LGMN: variants seen among roughly 807,000 people sequenced by gnomAD.
LGMN encodes the protein asparaginyl endopeptidase.
LGMN carries 36 observed loss-of-function variants against 56.8 expected under a neutral mutation model. That is an observed-to-expected ratio of 0.63 (90% CI 0.49 to 0.84). The LOEUF is 0.84. Ranked by LOEUF, LGMN falls within the 40% of genes least tolerant of loss-of-function variation. The pLI, the probability that LGMN is intolerant of heterozygous loss-of-function variation, is 0.00. For synonymous variants in LGMN, 199 were observed against 210.1 expected (o/e 0.95, Z 0.46); for missense variants, 446 against 556.1 (o/e 0.80, Z 1.99).
At chr14:92,713,636 T>A (rs1889912723) in intron 7 of LGMN, among the ~76,000 whole-genome samples, 187 bp downstream of exon 7, 1 of 152,002 alleles carries the variant, frequency 6.6e-6, no homozygotes. Context: ...TTTAACAAGC[T>A]CTCCATGATT....
chr14:92,703,848 A>C lies in LGMN; in HGVS notation c.*471T>G, dbSNP rs1889278247. 2 of 351,750 alleles carry C rather than the reference A, an allele frequency of 5.7e-6. No homozygotes were observed. The highest frequency in any genetic ancestry group is 1.1e-5 in the Non-Finnish European group (2 of 189,228). 21.8% of individuals were successfully genotyped at this position (351,750 alleles called of 1,614,324 possible). On this transcript the variant is annotated 3_prime_UTR_variant, in exon 14 of 14. Coordinates refer to ENST00000334869, the MANE Select transcript of LGMN (RefSeq NM_005606.7). ...TAAATCTTTATTTTTTAAGACTTGA[A>C]CACCTGCAGAATTAAATACAAAAGC...
chr14:92,704,958 G>C (rs1889354107), intron 12 of LGMN: 2 of 431,794 alleles, frequency 4.6e-6, no homozygotes, highest in Middle Eastern at 6.8e-4. Context: ...CTGAGGGCAG[G>C]ACTCCTGACA....
In LGMN at chr14:92,718,953, G is replaced by A. The variant is rs111372013; in HGVS notation, c.139-109C>T. 1.0e-3 allele frequency: 604 copies of A among 597,580 alleles called. 5 individuals carry two copies. The African/African-American group carries it at 0.015, about 14-fold the overall frequency. 37.0% of individuals were successfully genotyped at this position (597,580 alleles called of 1,614,324 possible). On this transcript the variant is annotated intron_variant, in intron 2 of 13. Coordinates refer to ENST00000334869, the MANE Select transcript of LGMN (RefSeq NM_005606.7). ...TGGAAGACTTACTGTGAATCATCCC[G>A]TCGGTCAGGCATTTAAATTATTATT...
intron 2 of LGMN, among the ~76,000 whole-genome samples, chr14:92,723,049 A>ATT (rs770613815): frequency 2.1e-5 from 3 of 145,816 alleles, no homozygotes; most frequent in Admixed American, 6.9e-5. Flanking sequence ...ACAAGTCTAA[A>ATT]TTTTTTTTTT....
At chr14:92,719,339 T>TCACCGCCAC in intron 2 of LGMN, among the ~76,000 whole-genome samples, 1 of 66,568 alleles carries the variant, frequency 1.5e-5, no homozygotes, top group Non-Finnish European at 2.9e-5. Flanking sequence ...GCCACCGCCA[T>TCACCGCCAC]CACCGCCACC....
intron 2 of LGMN, among the ~76,000 whole-genome samples, chr14:92,729,455 A>G (rs926218799): frequency 1.5e-5 from 1 of 65,568 alleles, no homozygotes; most frequent in African/African-American, 6.6e-5. Context: ...TGCCCACATC[A>G]CCTCAGATCA....
intron 1 of LGMN, among the ~76,000 whole-genome samples, chr14:92,745,377 G>A (rs184164753): frequency 3.0e-4 from 46 of 152,174 alleles, no homozygotes; most frequent in African/African-American, 1.1e-3. Context: ...TTGAAGGGTG[G>A]ACATTAACCT....
At chr14:92,728,883 C>A (rs1342492801) in intron 2 of LGMN, among the ~76,000 whole-genome samples, 2 of 152,100 alleles carry the variant, frequency 1.3e-5, no homozygotes, top group African/African-American at 4.8e-5. Flanking sequence ...AGGACCTATC[C>A]TCTTGGGTTG....
chr14:92,741,254 A>G (rs955961725), intron 1 of LGMN: 2 of 152,150 alleles, frequency 1.3e-5, no homozygotes, highest in Admixed American at 1.3e-4. Flanking sequence ...GGTTTAATCC[A>G]TTTGAGAAGT....
chr14:92,707,990 A>T (rs1326764542), intron 11 of LGMN, among the ~76,000 whole-genome samples: 6 of 152,056 alleles, frequency 3.9e-5, no homozygotes. Context: ...CGTCTCTACT[A>T]AAAATACAAA....
intron 2 of LGMN, among the ~76,000 whole-genome samples, chr14:92,727,322 C>T (rs750425139): frequency 2.7e-5 from 4 of 149,488 alleles, no homozygotes; most frequent in East Asian, 2.0e-4. Flanking sequence ...CCCAGCTACT[C>T]GAGAGGCTGA....
chr14:92,719,224 A>ACCGCCGCCACCGCCG (rs1890264292), intron 2 of LGMN, among the ~76,000 whole-genome samples: 1 of 73,016 alleles, frequency 1.4e-5, no homozygotes, highest in African/African-American at 8.0e-5. Flanking sequence ...CACCAACACC[A>ACCGCCGCCACCGCCG]CCACCGCCAC....
chr14:92,747,325 T>C (rs1891864632), intron 1 of LGMN, among the ~76,000 whole-genome samples: 1 of 151,618 alleles, frequency 6.6e-6, no homozygotes, highest in African/African-American at 2.4e-5. Context: ...ACCTCGTCTC[T>C]ACTAAAAACA....
intron 4 of LGMN, 149 bp from the exon 5 acceptor site, chr14:92,716,370 C>G: frequency 3.0e-6 from 2 of 656,294 alleles, no homozygotes; most frequent in East Asian, 2.8e-5. Context: ...CCGTGGCTCA[C>G]GCCTGTAATC....
intron 11 of LGMN, among the ~76,000 whole-genome samples, chr14:92,708,805 C>T (rs1889575821): frequency 7.1e-6 from 1 of 140,810 alleles, no homozygotes; most frequent in Non-Finnish European, 1.5e-5. Flanking sequence ...TGCAGTGAGC[C>T]GAGATCACAC....
chr14:92,719,184 CACCACCACCGCCACCAA>C (rs1890246883), intron 2 of LGMN, among the ~76,000 whole-genome samples: 2 of 124,512 alleles, frequency 1.6e-5, no homozygotes, highest in Non-Finnish European at 3.4e-5. Flanking sequence ...CCACCACCAT[CACCACCACCGCCACCAA>C]CACCACCACC....
intron 2 of LGMN, among the ~76,000 whole-genome samples, chr14:92,730,603 A>G (rs1262751818): frequency 2.0e-5 from 3 of 152,024 alleles, no homozygotes; most frequent in Non-Finnish European, 4.4e-5. Context: ...TTAATTTTTT[A>G]TATTGATTAC....
chr14:92,733,966 TG>T (rs1209605552), intron 1 of LGMN, among the ~76,000 whole-genome samples: 1 of 152,274 alleles, frequency 6.6e-6, no homozygotes, highest in African/African-American at 2.4e-5. Flanking sequence ...TCCTCATTTT[TG>T]TCTCCTTTTA....
intron 6 of LGMN, 26 bp from the exon 7 acceptor site, chr14:92,713,911 C>CA: frequency 6.4e-7 from 1 of 1,556,458 alleles, no homozygotes; most frequent in Non-Finnish European, 8.9e-7. Flanking sequence ...ATTGTCAGAC[C>CA]AACACATCAA....
Sources: gnomAD v4.1 joint callset for allele counts (sites outside exome capture counted in the v4.1 genomes callset) on GRCh38, gnomAD v4.1.1 for gene constraint, MANE v1.5 for transcripts, NCBI Gene and HGNC (gene_info 2026-07-23, HGNC 2026-07-21) for gene names.